Variants in SERINC5 observed in about 807,000 individuals in gnomAD.
SERINC5 encodes the protein chromosome 5 open reading frame 12.
SERINC5 carries 41 observed loss-of-function variants against 63.1 expected under a neutral mutation model. The ratio of observed to expected loss-of-function variants is 0.65; its 90% CI spans 0.51 to 0.84. The LOEUF is 0.84. Ranked by LOEUF, SERINC5 falls within the 40% of genes least tolerant of loss-of-function variation. The pLI, the probability that SERINC5 is intolerant of heterozygous loss-of-function variation, is 0.00. For missense variants in SERINC5, 523 were observed against 573.0 expected (o/e 0.91, Z 0.89); for synonymous variants, 222 against 215.2 (o/e 1.03, Z -0.28).
chr5:80,113,081 A>G (rs1250092805), intron 12 of SERINC5, among the ~76,000 whole-genome samples: 1 of 152,172 alleles, frequency 6.6e-6, no homozygotes, highest in African/African-American at 2.4e-5. Context: ...TTTTTCCAAT[A>G]TAAATAATTT....
At chr5:80,155,505 G>A (rs1037933237) in intron 8 of SERINC5, among the ~76,000 whole-genome samples, 6 of 150,952 alleles carry the variant, frequency 4.0e-5, no homozygotes, top group Non-Finnish European at 7.4e-5. Flanking sequence ...CCTGGGAGGC[G>A]GAGGTTGCAG....
intron 1 of SERINC5, among the ~76,000 whole-genome samples, chr5:80,252,176 C>T (rs891060032): frequency 1.3e-5 from 2 of 151,218 alleles, no homozygotes; most frequent in Non-Finnish European, 2.9e-5. Context: ...ATTCTGGTGC[C>T]TCAGCCTCCC....
At chr5:80,249,308 C>G (rs1752297337) in intron 1 of SERINC5, among the ~76,000 whole-genome samples, 1 of 150,886 alleles carries the variant, frequency 6.6e-6, no homozygotes, top group Non-Finnish European at 1.5e-5. Flanking sequence ...CAGCGAGACT[C>G]TGTCTCCAAA....
chr5:80,216,910 C>CT (rs1750693300), intron 1 of SERINC5, among the ~76,000 whole-genome samples: 1 of 151,940 alleles, frequency 6.6e-6, no homozygotes, highest in Admixed American at 6.6e-5. Flanking sequence ...ACTTGGAAGG[C>CT]TGAGGTAGGA....
intron 1 of SERINC5, among the ~76,000 whole-genome samples, chr5:80,241,648 CTA>C (rs1445969388): frequency 1.3e-5 from 2 of 151,896 alleles, no homozygotes; most frequent in Non-Finnish European, 2.9e-5. Context: ...CTGCAGTGAG[CTA>C]TGATTGCACC....
At position 80,142,181 on chromosome 5, in the gene SERINC5, C is replaced by G. The variant is rs1745547100; in HGVS notation, c.*1482G>C. On this transcript the variant is annotated 3_prime_UTR_variant, in exon 12 of 12. Coordinates refer to ENST00000507668, the MANE Select transcript of SERINC5 (RefSeq NM_001174072.3). ...TAACAGGAGTTTCCACCAAGTAAAC[C>G]TTTTCCCTGCCTGAATACATCAACA... 2 of 985,396 alleles carry G rather than the reference C, an allele frequency of 2.0e-6. No homozygotes were observed. Among genetic ancestry groups the G allele is most frequent in the East Asian group, 1.1e-4 (1 of 8,816 alleles). The allele number at this position is 985,396 out of a possible 1,614,324, so 61.0% of individuals were successfully genotyped here.
intron 1 of SERINC5, among the ~76,000 whole-genome samples, chr5:80,212,946 T>C (rs1750503701): frequency 6.6e-6 from 1 of 152,120 alleles, no homozygotes. Context: ...TGGCAACCCA[T>C]GAAAGCTTAC....
At chr5:80,174,720 AT>A (rs1349668789) in intron 5 of SERINC5, among the ~76,000 whole-genome samples, 2 of 151,958 alleles carry the variant, frequency 1.3e-5, no homozygotes, top group Non-Finnish European at 2.9e-5. Context: ...CGAGCAGGGG[AT>A]TGAGTGTGGC....
intron 2 of SERINC5, among the ~76,000 whole-genome samples, chr5:80,195,606 T>A (rs986424318): frequency 6.6e-6 from 1 of 152,182 alleles, no homozygotes; most frequent in African/African-American, 2.4e-5. Context: ...CAAGGAATAT[T>A]TAATATTATG....
chr5:80,174,970 T>G lies in SERINC5; in HGVS notation c.535A>C (p.Lys179Gln). 3 of 1,600,264 alleles carry G rather than the reference T, an allele frequency of 1.9e-6. No homozygotes were observed. Among genetic ancestry groups the G allele is most frequent in the South Asian group, 2.3e-5 (2 of 88,286 alleles). ...GGCACACACCAGTTCTTGTTCCACT[T>G]ATGTGCAAACTCCACGAGCAGGAGG... ...QLLLLVEFAH[K>Q]WNKNWTAGTA... The change falls in exon 5 of 12, where the codon AAG becomes CAG. Residue 179 changes from lysine to glutamine, a missense_variant. Transcript: ENST00000507668.
At chr5:80,147,765 A>G (rs560050693) in intron 9 of SERINC5, among the ~76,000 whole-genome samples, 14 of 152,210 alleles carry the variant, frequency 9.2e-5, no homozygotes, top group African/African-American at 2.9e-4. Flanking sequence ...GGAGAACTCA[A>G]TGTGAAACCC....
chr5:80,172,209 A>G (rs972128033), intron 5 of SERINC5, among the ~76,000 whole-genome samples: 1 of 152,066 alleles, frequency 6.6e-6, no homozygotes, highest in Non-Finnish European at 1.5e-5. Context: ...GCATGCCTGT[A>G]ATCCCAGCTA....
rs184114252 is a variant in SERINC5, at chr5:80,238,064, A to G, written c.27+17832T>C. ...GATTGCAGTGAGCAGAGATCGCACC[A>G]CTGCACTCCAGCCTGGGCGACAGAG... On this transcript the variant is annotated intron_variant, in intron 1 of 11. Coordinates refer to ENST00000507668, the MANE Select transcript of SERINC5 (RefSeq NM_001174072.3). Among the ~76,000 whole-genome samples, 32 of 146,024 alleles carry G rather than the reference A, an allele frequency of 2.2e-4. No individual in the cohort carries two copies. In the East Asian group the frequency reaches 5.7e-3, roughly 26 times the overall value.
intron 2 of SERINC5, among the ~76,000 whole-genome samples, chr5:80,185,108 C>G (rs1748717391): frequency 6.6e-6 from 1 of 152,150 alleles, no homozygotes; most frequent in African/African-American, 2.4e-5. Context: ...CTCCTAACCT[C>G]AGGTGATCTG....
chr5:80,202,782 C>G (rs1448328655), intron 2 of SERINC5, 104 bp downstream of exon 2: 1 of 1,192,520 alleles, frequency 8.4e-7, no homozygotes, highest in African/African-American at 1.5e-5. Flanking sequence ...AGGTATACCC[C>G]AAAACACATG....
intron 10 of SERINC5, among the ~76,000 whole-genome samples, chr5:80,146,977 C>T (rs1181487712): frequency 1.3e-5 from 2 of 149,944 alleles, no homozygotes; most frequent in Non-Finnish European, 2.9e-5. Flanking sequence ...AAAAAATGTG[C>T]TCTCTGATTC....
chr5:80,252,384 C>T (rs1428048564), intron 1 of SERINC5, among the ~76,000 whole-genome samples: 1 of 152,052 alleles, frequency 6.6e-6, no homozygotes, highest in Admixed American at 6.6e-5. Context: ...CTGTAGCTAA[C>T]TTCCCCCAAC....
intron 8 of SERINC5, chr5:80,158,303 G>A (rs1168013664): frequency 6.5e-6 from 1 of 152,780 alleles, no homozygotes; most frequent in Non-Finnish European, 1.5e-5. Flanking sequence ...GCTTTGCCGA[G>A]TGAACAACAG....
intron 1 of SERINC5, chr5:80,255,289 T>C (rs981698344): frequency 3.9e-5 from 6 of 153,754 alleles, no homozygotes; most frequent in African/African-American, 7.2e-5. Context: ...CAGGCAGTCG[T>C]GCTAGTACCG....
Sources: gnomAD v4.1 joint callset for allele counts (sites outside exome capture counted in the v4.1 genomes callset) on GRCh38, gnomAD v4.1.1 for gene constraint, MANE v1.5 for transcripts, NCBI Gene and HGNC (gene_info 2026-07-23, HGNC 2026-07-21) for gene names.